The following ZFAND6 variants were observed in gnomAD, a reference collection of about 807,000 sequenced individuals.
ZFAND6 encodes the protein zinc finger AN1-type containing 6, also known as AN1-type zinc finger protein 6.
A neutral mutation model predicts 24.5 loss-of-function variants in ZFAND6; 12 were observed. That is an observed-to-expected ratio of 0.49 (90% CI 0.31 to 0.79). ZFAND6 has a LOEUF of 0.79. Among genes scored for constraint, ZFAND6 ranks in the 30% least tolerant of loss-of-function variants. The pLI is 0.04. For synonymous variants in ZFAND6, 92 were observed against 81.5 expected (o/e 1.13, Z -0.69); for missense variants, 207 against 245.9 (o/e 0.84, Z 1.06).
chr15:80,088,343 G>A (rs2038131276), intron 1 of ZFAND6, among the ~76,000 whole-genome samples: 1 of 152,156 alleles, frequency 6.6e-6, no homozygotes, highest in African/African-American at 2.4e-5. Flanking sequence ...CAAGGTGGGT[G>A]GATTACCTGA....
intron 1 of ZFAND6, among the ~76,000 whole-genome samples, chr15:80,060,972 A>C (rs982653023): frequency 3.3e-5 from 5 of 152,234 alleles, no homozygotes; most frequent in Non-Finnish European, 7.3e-5. Context: ...AACAGGATTA[A>C]ATTCCTCTTT....
intron 1 of ZFAND6, among the ~76,000 whole-genome samples, chr15:80,080,776 G>A (rs963894576): frequency 6.6e-6 from 1 of 152,194 alleles, no homozygotes; most frequent in Non-Finnish European, 1.5e-5. Context: ...CAATCACTGC[G>A]GAAGCAAAGA....
chr15:80,063,480 C>G (rs932064411), intron 1 of ZFAND6, among the ~76,000 whole-genome samples: 4 of 152,006 alleles, frequency 2.6e-5, no homozygotes, highest in Non-Finnish European at 5.9e-5. Context: ...CAACCTCTGT[C>G]TCCTAGGTTG....
chr15:80,066,195 T>G (rs2141791235), intron 1 of ZFAND6, among the ~76,000 whole-genome samples: 1 of 152,026 alleles, frequency 6.6e-6, no homozygotes, highest in East Asian at 1.9e-4. Flanking sequence ...AGGAAGTAAA[T>G]AAATAATAGA....
chr15:80,129,988 G>A (rs1221910319), intron 5 of ZFAND6: 2 of 152,246 alleles, frequency 1.3e-5, no homozygotes, highest in Non-Finnish European at 2.9e-5. Flanking sequence ...GAGGAATAGT[G>A]AGAGATGAGG....
At chr15:80,128,271 A>G (rs1414888479) in intron 5 of ZFAND6, among the ~76,000 whole-genome samples, 1 of 152,226 alleles carries the variant, frequency 6.6e-6, no homozygotes, top group Non-Finnish European at 1.5e-5. Flanking sequence ...CCTTGTGAAT[A>G]TAATAAAAAC....
intron 2 of ZFAND6, among the ~76,000 whole-genome samples, chr15:80,107,215 CA>C (rs58268143): frequency 5.5e-5 from 8 of 146,628 alleles, no homozygotes; most frequent in East Asian, 4.0e-4. Context: ...AATTCCGTGT[CA>C]AAAAAAAAAT....
intron 3 of ZFAND6, 103 bp from the exon 4 acceptor site, chr15:80,121,609 C>T (rs1463708299): frequency 4.2e-5 from 37 of 881,392 alleles, no homozygotes; most frequent in Non-Finnish European, 5.9e-5. Context: ...AAAAGAAAAC[C>T]TCTATACTGT....
Position 80,121,610 on chromosome 15 carries a change from T to G in ZFAND6, c.155-102T>G, listed in dbSNP as rs901724473. 2.9e-5 allele frequency: 26 copies of G among 902,768 alleles called. No homozygotes were observed. The African/African-American group carries it at 4.2e-4, about 15-fold the overall frequency. 55.9% of individuals were successfully genotyped at this position (902,768 alleles called of 1,614,324 possible). On this transcript the variant is annotated intron_variant, in intron 3 of 6. Coordinates refer to ENST00000261749, the MANE Select transcript of ZFAND6 (RefSeq NM_019006.4). Reference sequence around the variant, plus strand: ...ACATACTACATATTAAAAGAAAACCTCTATACTGTGTTCTGTGGAAAATGG... The same window carrying G: ...ACATACTACATATTAAAAGAAAACCGCTATACTGTGTTCTGTGGAAAATGG...
chr15:80,104,876 TATC>T (rs2039238658), intron 2 of ZFAND6, among the ~76,000 whole-genome samples: 1 of 152,216 alleles, frequency 6.6e-6, no homozygotes, highest in African/African-American at 2.4e-5. Context: ...CTACTTTTGA[TATC>T]ATACAGCATG....
chr15:80,136,146 T>C (rs1423170145), intron 6 of ZFAND6, among the ~76,000 whole-genome samples: 1 of 151,874 alleles, frequency 6.6e-6, no homozygotes, highest in African/African-American at 2.4e-5. Flanking sequence ...AAAGACATTT[T>C]AAAATATACA....
In ZFAND6 at chr15:80,131,186, T is replaced by C. The variant is rs752425442; in HGVS notation, c.371T>C (p.Val124Ala). ...ACCTTCGTATTTTTGTTAGCTTCAG[T>C]ATCAGACACAGCACAGCAGCCATCT... ...VPETEDVQASVSDTAQQPSEE... is the reference protein window; with the variant it reads ...VPETEDVQASASDTAQQPSEE... Residue 124 changes from valine to alanine, a missense_variant, in exon 6 of 7, where the codon GTA (valine) becomes GCA (alanine). Val to Ala is a moderately conservative substitution (Grantham distance 64). Coordinates refer to ENST00000261749, the MANE Select transcript of ZFAND6 (RefSeq NM_019006.4). 6.3e-7 allele frequency: 1 copy of C among 1,580,018 alleles called. No homozygotes were observed. The highest frequency in any genetic ancestry group is 1.4e-5 in the African/African-American group (1 of 73,808).
At chr15:80,066,892 A>G (rs1181415813) in intron 1 of ZFAND6, among the ~76,000 whole-genome samples, 1 of 146,850 alleles carries the variant, frequency 6.8e-6, no homozygotes, top group East Asian at 2.0e-4. Context: ...GTGAGACTCC[A>G]TCTCCCAAAA....
intron 6 of ZFAND6, among the ~76,000 whole-genome samples, chr15:80,135,683 C>G (rs868142593): frequency 4.5e-4 from 68 of 152,362 alleles, no homozygotes; most frequent in African/African-American, 1.6e-3. Flanking sequence ...CACCTATAAT[C>G]CCAGCACTTG....
intron 6 of ZFAND6, among the ~76,000 whole-genome samples, chr15:80,137,271 T>C (rs2040906901): frequency 6.6e-6 from 1 of 152,230 alleles, no homozygotes; most frequent in African/African-American, 2.4e-5. Context: ...CAGAGGACTT[T>C]CTCTAGGGCA....
At chr15:80,106,221 T>C (rs2039316846) in intron 2 of ZFAND6, among the ~76,000 whole-genome samples, 1 of 152,222 alleles carries the variant, frequency 6.6e-6, no homozygotes, top group Admixed American at 6.5e-5. Flanking sequence ...ATAATATCTC[T>C]AACCAAAATA....
At chr15:80,130,673 T>G (rs180673862) in intron 5 of ZFAND6, 11 of 152,686 alleles carry the variant, frequency 7.2e-5, no homozygotes, top group African/African-American at 2.4e-4. Context: ...TTTGCCTTAT[T>G]TCTAACATTT....
chr15:80,129,970 G>T (rs150769583), intron 5 of ZFAND6: 1 of 152,230 alleles, frequency 6.6e-6, no homozygotes, highest in East Asian at 1.9e-4. Context: ...GAATCATGGA[G>T]TACTGTTGAG....
At chr15:80,079,811 C>T (rs1415650143) in intron 1 of ZFAND6, among the ~76,000 whole-genome samples, 1 of 151,164 alleles carries the variant, frequency 6.6e-6, no homozygotes, top group Non-Finnish European at 1.5e-5. Context: ...CCACCACGCC[C>T]AGCTAGCTAA....
Sources: allele counts gnomAD v4.1 joint callset (sites outside exome capture counted in the v4.1 genomes callset), GRCh38; gene constraint gnomAD v4.1.1; transcripts MANE v1.5; gene names NCBI Gene and HGNC (gene_info 2026-07-23, HGNC 2026-07-21).